The following TIAM2 variants were observed in gnomAD, a reference collection of about 807,000 sequenced individuals.
TIAM2 encodes TIAM Rac1 associated GEF 2, also known as rho guanine nucleotide exchange factor TIAM2.
Under a neutral mutation model 152.9 loss-of-function variants are expected in TIAM2, and 80 were observed. The observed-to-expected ratio is 0.52, with a 90% CI of 0.44 to 0.63. The LOEUF (loss-of-function observed/expected upper bound fraction) is 0.63. Among genes scored for constraint, TIAM2 ranks in the 30% least tolerant of loss-of-function variants. The pLI, the probability that TIAM2 is intolerant of heterozygous loss-of-function variation, is 0.00. For synonymous variants in TIAM2, 804 were observed against 838.0 expected, an observed-to-expected ratio of 0.96 and a Z score of 0.70; for missense variants, 1,965 against 2,120.1, an observed-to-expected ratio of 0.93 and a Z score of 1.44.
rs140377164 is a variant in TIAM2, at chr6:155,024,937, G to T, written c.-209+29445G>T. On this transcript the variant is annotated intron_variant, in intron 1 of 26. Coordinates refer to ENST00000682666, the MANE Select transcript of TIAM2 (RefSeq NM_012454.4). ...GAGAAATCCAGAAAACAGACACTCA[G>T]CTTGTAATTTGTTAAATGTCATTTT... is the stretch of plus-strand genomic sequence containing the variant. Among the ~76,000 whole-genome samples the T allele has an allele frequency of 7.7e-4, 118 of 152,292 alleles. 1 individual carries two copies. In the East Asian group the frequency reaches 0.021, roughly 27 times the overall value.
At position 155,202,883 on chromosome 6, in the gene TIAM2, CAAAA is replaced by C. The variant is rs36086677; in HGVS notation, c.3065-8304_3065-8301del. ...CAAAACCCCATCTCTACTAAAAATACAAAAAAAAAAAAAAAAAAAATTAGCCGGA... is the reference window on the plus strand; with the variant it reads ...CAAAACCCCATCTCTACTAAAAATACAAAAAAAAAAAAAAAATTAGCCGGA... On this transcript the variant is annotated intron_variant, in intron 14 of 26. Coordinates refer to ENST00000682666, the MANE Select transcript of TIAM2 (RefSeq NM_012454.4). 1.8e-4 allele frequency among the ~76,000 whole-genome samples: 20 copies of C among 109,144 alleles called. 1 individual carries two copies. The highest frequency in any genetic ancestry group is 6.8e-4 in the African/African-American group (18 of 26,526). 71.6% of individuals were successfully genotyped at this position (109,144 alleles called of 152,430 possible).
At chr6:155,195,748 C>T (rs375815219) in intron 14 of TIAM2, among the ~76,000 whole-genome samples, 56 of 152,308 alleles carry the variant, frequency 3.7e-4, no homozygotes, top group African/African-American at 1.3e-3. Context: ...ACAATGGACA[C>T]CTAGGAGCAC....
intron 26 of TIAM2, 44 bp downstream of exon 26, chr6:155,254,617 G>C (rs1192396824): frequency 6.3e-7 from 1 of 1,597,394 alleles, no homozygotes. Context: ...AAAATATTAT[G>C]AGCTTCTGAA....
At chr6:155,237,317 G>A (rs1562366127) in intron 15 of TIAM2, among the ~76,000 whole-genome samples, 2 of 152,234 alleles carry the variant, frequency 1.3e-5, no homozygotes, top group Non-Finnish European at 2.9e-5. Flanking sequence ...GGGTAGCTCT[G>A]TCCCTGTGGC....
intron 12 of TIAM2, among the ~76,000 whole-genome samples, chr6:155,180,974 C>G (rs1300160720): frequency 2.0e-5 from 3 of 152,156 alleles, no homozygotes; most frequent in African/African-American, 2.4e-5. Context: ...TTGGCCTTCA[C>G]TGTGCTTTTT....
chr6:155,017,711 G>C (rs1444829351), intron 1 of TIAM2, among the ~76,000 whole-genome samples: 1 of 151,964 alleles, frequency 6.6e-6, no homozygotes, highest in Non-Finnish European at 1.5e-5. Context: ...CACCGTGTTA[G>C]CCAGGATGGT....
intron 2 of TIAM2, among the ~76,000 whole-genome samples, chr6:155,094,202 G>C (rs1275321303): frequency 1.3e-5 from 2 of 152,218 alleles, no homozygotes; most frequent in African/African-American, 4.8e-5. Flanking sequence ...AGCTGAAGCT[G>C]TGTAGATGGT....
intron 1 of TIAM2, among the ~76,000 whole-genome samples, chr6:155,035,945 C>G (rs1776914247): frequency 6.6e-6 from 1 of 152,052 alleles, no homozygotes; most frequent in Non-Finnish European, 1.5e-5. Flanking sequence ...TTAATTTTCC[C>G]TGGACTTGGA....
intron 14 of TIAM2, among the ~76,000 whole-genome samples, chr6:155,189,367 C>G (rs1332788244): frequency 6.7e-6 from 1 of 149,868 alleles, no homozygotes; most frequent in Non-Finnish European, 1.5e-5. Flanking sequence ...TTTTTTAAAT[C>G]AGAAAACAAT....
intron 7 of TIAM2, among the ~76,000 whole-genome samples, chr6:155,154,277 T>C (rs1309694412): frequency 6.6e-6 from 1 of 152,226 alleles, no homozygotes; most frequent in Admixed American, 6.5e-5. Flanking sequence ...GAATGTGCAA[T>C]GTAGGTGACA....
At chr6:155,034,039 G>A (rs1265428617) in intron 1 of TIAM2, among the ~76,000 whole-genome samples, 1 of 97,612 alleles carries the variant, frequency 1.0e-5, no homozygotes, top group Non-Finnish European at 2.3e-5. Flanking sequence ...CTTCTCTGTT[G>A]CTTACCTTTT....
chr6:155,188,333 A>G (rs1435601856), intron 14 of TIAM2, among the ~76,000 whole-genome samples: 1 of 152,212 alleles, frequency 6.6e-6, no homozygotes, highest in African/African-American at 2.4e-5. Flanking sequence ...TATGCCTGTG[A>G]TGCTCTGTGA....
At chr6:155,047,026 G>C (rs1384565097) in intron 1 of TIAM2, among the ~76,000 whole-genome samples, 1 of 152,082 alleles carries the variant, frequency 6.6e-6, no homozygotes, top group Non-Finnish European at 1.5e-5. Flanking sequence ...GGATTCCAAA[G>C]TTTCAGGTTT....
intron 15 of TIAM2, chr6:155,217,056 G>A (rs886663713): frequency 1.6e-6 from 2 of 1,289,408 alleles, no homozygotes; most frequent in Non-Finnish European, 2.0e-6. Context: ...AGAGGGAGCA[G>A]GTTTCTTTGA....
chr6:155,192,633 T>C (rs1225275255), intron 14 of TIAM2, among the ~76,000 whole-genome samples: 1 of 126,640 alleles, frequency 7.9e-6, no homozygotes, highest in Non-Finnish European at 1.7e-5. Context: ...AAATGTCTCC[T>C]CAAACCAAAA....
chr6:155,079,679 G>A (rs1428506283), intron 1 of TIAM2, among the ~76,000 whole-genome samples: 1 of 152,236 alleles, frequency 6.6e-6, no homozygotes, highest in East Asian at 1.9e-4. Context: ...AGGCACAGTG[G>A]CTCACGCCTG....
chr6:155,117,807 A>G (rs1779050176), intron 2 of TIAM2, among the ~76,000 whole-genome samples: 1 of 152,156 alleles, frequency 6.6e-6, no homozygotes, highest in East Asian at 1.9e-4. Flanking sequence ...CCCTCCAGGC[A>G]CAAGCTGATG....
rs1444175838 is a variant in TIAM2, at chr6:155,130,408, G to A, written c.1185G>A (p.Arg395=). 5.0e-6 allele frequency: 8 copies of A among 1,613,084 alleles called. No individual in the cohort carries two copies. The highest frequency in any genetic ancestry group is 1.3e-5 in the African/African-American group (1 of 74,804). ...CGGGAAGCCTCTCAAGGAAGAAAAG[G>A]AAACTCCAGGTGAGCATACCTTAGA... The part of the protein sequence containing the change: ...DWTGSLSRKK[R]KLQEPRSKEG... Residue 395 remains arginine (R), a synonymous_variant, in exon 4 of 27, where the codon AGG becomes AGA. Coordinates refer to ENST00000682666, the MANE Select transcript of TIAM2 (RefSeq NM_012454.4).
chr6:155,029,546 AT>A (rs1256048972), intron 1 of TIAM2, among the ~76,000 whole-genome samples: 43 of 45,974 alleles, frequency 9.4e-4, no homozygotes, highest in Middle Eastern at 0.019. Flanking sequence ...AATATATATT[AT>A]GTAGTATAAA....
Sources: gnomAD v4.1 joint callset for allele counts (sites outside exome capture counted in the v4.1 genomes callset) on GRCh38, gnomAD v4.1.1 for gene constraint, MANE v1.5 for transcripts, NCBI Gene and HGNC (gene_info 2026-07-23, HGNC 2026-07-21) for gene names.